The following IL1RAPL1 variants were observed in gnomAD, a reference collection of about 807,000 sequenced individuals.
IL1RAPL1 encodes interleukin-1 receptor accessory protein-like 1.
Under a neutral mutation model 48.4 loss-of-function variants are expected in IL1RAPL1, and 3 were observed. The observed-to-expected ratio is 0.06, with a 90% CI of 0.03 to 0.16. The LOEUF is 0.16. IL1RAPL1 is among the 10% of genes least tolerant of loss of function. IL1RAPL1 has a pLI of 1.00. For synonymous variants in IL1RAPL1, 185 were observed against 187.7 expected (o/e 0.99, Z 0.12); for missense variants, 349 against 530.6 (o/e 0.66, Z 3.36).
Position 29,723,405 on chromosome X carries a change from C to T in IL1RAPL1, c.778+54901C>T, listed in dbSNP as rs149581690. 7.4e-3 allele frequency among the ~76,000 whole-genome samples: 829 copies of T among 111,613 alleles called. 8 individuals are homozygous for T. Among genetic ancestry groups the T allele is most frequent in the African/African-American group, 0.026 (798 of 30,710 alleles). ...CTGGGATTACAGGCACTCGCCACCA[C>T]GCCTGGCTTATTTTTGTATTTTTAG... On this transcript the variant is annotated intron_variant, in intron 6 of 10. Transcript: ENST00000378993.
intron 3 of IL1RAPL1, among the ~76,000 whole-genome samples, chrX:29,283,644 A>G (rs1932236116): frequency 8.9e-6 from 1 of 112,136 alleles, no homozygotes; most frequent in African/African-American, 3.2e-5. Flanking sequence ...GATTTAGGTA[A>G]TGTGTGTATG....
intron 2 of IL1RAPL1, among the ~76,000 whole-genome samples, chrX:28,875,110 A>C (rs2147310889): frequency 8.9e-6 from 1 of 112,192 alleles, no homozygotes; most frequent in African/African-American, 3.2e-5. Context: ...TTAATAGTGC[A>C]ATTCATAGAA....
chrX:29,585,122 A>G (rs1354216728), intron 5 of IL1RAPL1, among the ~76,000 whole-genome samples: 1 of 112,098 alleles, frequency 8.9e-6, no homozygotes, highest in African/African-American at 3.2e-5. Flanking sequence ...ATTGTTGACT[A>G]TAGGTACAAT....
chrX:29,415,896 T>C (rs746719933), intron 5 of IL1RAPL1, among the ~76,000 whole-genome samples: 1 of 112,418 alleles, frequency 8.9e-6, no homozygotes, highest in East Asian at 2.8e-4. Flanking sequence ...ATTTCTATTA[T>C]GTTATTTTTC....
intron 6 of IL1RAPL1, among the ~76,000 whole-genome samples, chrX:29,794,237 A>G (rs975392614): frequency 7.2e-5 from 8 of 111,742 alleles, no homozygotes; most frequent in African/African-American, 2.6e-4. Flanking sequence ...AAACGGCATT[A>G]TTTTTCAAAT....
At chrX:29,085,025 T>C (rs1476751856) in intron 2 of IL1RAPL1, among the ~76,000 whole-genome samples, 1 of 111,982 alleles carries the variant, frequency 8.9e-6, no homozygotes, top group African/African-American at 3.2e-5. Context: ...TATATTGAAA[T>C]TCCACTCAAA....
At chrX:29,702,000 A>T (rs772712337) in intron 6 of IL1RAPL1, among the ~76,000 whole-genome samples, 37 of 111,700 alleles carry the variant, frequency 3.3e-4, no homozygotes, top group African/African-American at 1.1e-3. Flanking sequence ...CATGCCTGTA[A>T]TCCCAGCACT....
In IL1RAPL1 at chrX:29,941,741, T is replaced by C; in HGVS notation, c.1148T>C (p.Ile383Thr). ...CLVTIYKCYK[I>T]EIMLFYRNHF... is the part of the protein sequence containing the mutation. ...GTGACCATCTACAAGTGTTACAAGA[T>C]AGAAATCATGCTCTTCTACAGGAAT... The change falls in exon 9 of 11, where the codon ATA (isoleucine) becomes ACA (threonine). Residue 383 changes from isoleucine to threonine, a missense_variant. Physicochemically the swap from Ile to Thr is moderately conservative, Grantham distance 89. This residue lies in a region of IL1RAPL1 where 238 missense variants were observed against 337.8 expected (regional missense o/e 0.70). Transcript: ENST00000378993. 8.3e-7 allele frequency: 1 copy of C among 1,209,330 alleles called. No individual in the cohort carries two copies. Among genetic ancestry groups the C allele is most frequent in the Non-Finnish European group, 1.1e-6 (1 of 893,221 alleles).
At chrX:28,799,484 A>C (rs891404808) in intron 2 of IL1RAPL1, among the ~76,000 whole-genome samples, 1 of 112,617 alleles carries the variant, frequency 8.9e-6, no homozygotes, top group Non-Finnish European at 1.9e-5. Flanking sequence ...CATAAAGATG[A>C]AACTTCTTGC....
At chrX:28,891,291 T>C (rs1194941262) in intron 2 of IL1RAPL1, among the ~76,000 whole-genome samples, 5 of 112,064 alleles carry the variant, frequency 4.5e-5, no homozygotes, top group Non-Finnish European at 9.4e-5. Flanking sequence ...ACTGGAACTA[T>C]GTATAATACA....
intron 2 of IL1RAPL1, among the ~76,000 whole-genome samples, chrX:29,224,219 T>G (rs1931037089): frequency 9.0e-6 from 1 of 111,236 alleles, no homozygotes; most frequent in Non-Finnish European, 1.9e-5. Context: ...CCTTTAGCAT[T>G]TAGTAAGGTG....
intron 5 of IL1RAPL1, among the ~76,000 whole-genome samples, chrX:29,632,146 T>C (rs918032617): frequency 9.1e-6 from 1 of 109,665 alleles, no homozygotes; most frequent in African/African-American, 3.3e-5. Flanking sequence ...ATAGTTTTGG[T>C]TGTAACTTTT....
chrX:28,958,577 A>G (rs1287930464), intron 2 of IL1RAPL1, among the ~76,000 whole-genome samples: 1 of 111,840 alleles, frequency 8.9e-6, no homozygotes, highest in Non-Finnish European at 1.9e-5. Context: ...AGAGGCCAGC[A>G]TGATTCCTTC....
At chrX:28,595,299 G>A (rs1933942712) in intron 1 of IL1RAPL1, among the ~76,000 whole-genome samples, 1 of 112,466 alleles carries the variant, frequency 8.9e-6, no homozygotes, top group South Asian at 3.6e-4. Flanking sequence ...ATTAATATGT[G>A]TATCCACACA....
At chrX:29,057,208 T>C (rs5985815) in intron 2 of IL1RAPL1, among the ~76,000 whole-genome samples, 16,120 of 111,142 alleles carry the variant, frequency 0.15, 1,016 homozygotes, top group Non-Finnish European at 0.19. Flanking sequence ...GATATTCACA[T>C]AGCACATTTA....
intron 2 of IL1RAPL1, among the ~76,000 whole-genome samples, chrX:28,870,816 A>C (rs1173595238): frequency 1.8e-5 from 2 of 111,351 alleles, no homozygotes; most frequent in South Asian, 3.7e-4. Flanking sequence ...ACTTAATTCC[A>C]AGGGAAATCT....
At chrX:29,848,825 G>T (rs1931301405) in intron 6 of IL1RAPL1, among the ~76,000 whole-genome samples, 1 of 110,782 alleles carries the variant, frequency 9.0e-6, no homozygotes, top group Non-Finnish European at 1.9e-5. Flanking sequence ...GAGTGCAGTG[G>T]TGCGATCTCG....
intron 5 of IL1RAPL1, among the ~76,000 whole-genome samples, chrX:29,619,778 T>C (rs1210761530): frequency 8.9e-6 from 1 of 111,826 alleles, no homozygotes; most frequent in Non-Finnish European, 1.9e-5. Context: ...TAAATTAAAA[T>C]GTGTGAGCTG....
intron 2 of IL1RAPL1, among the ~76,000 whole-genome samples, chrX:28,961,842 C>A (rs1924786521): frequency 1.8e-5 from 2 of 111,412 alleles, no homozygotes; most frequent in Admixed American, 1.9e-4. Context: ...AGCAAAATTG[C>A]CACTCTTTGA....
Sources: allele counts gnomAD v4.1 joint callset (sites outside exome capture counted in the v4.1 genomes callset), GRCh38; gene constraint gnomAD v4.1.1; regional missense constraint gnomAD v4.1.1; transcripts MANE v1.5; gene names NCBI Gene and HGNC (gene_info 2026-07-23, HGNC 2026-07-21).